DDHD1: variants seen among roughly 807,000 people sequenced by gnomAD.
DDHD1 encodes the protein phospholipase DDHD1.
A neutral mutation model predicts 96.4 loss-of-function variants in DDHD1; 49 were observed. That is an observed-to-expected ratio of 0.51 (90% CI 0.40 to 0.64). The LOEUF is 0.64. Among genes scored for constraint, DDHD1 ranks in the 30% least tolerant of loss-of-function variants. The pLI, the probability that DDHD1 is intolerant of heterozygous loss-of-function variation, is 0.00. For missense variants in DDHD1, 1,106 were observed against 1,161.2 expected, an observed-to-expected ratio of 0.95 and a Z score of 0.69; for synonymous variants, 442 against 446.5, an observed-to-expected ratio of 0.99 and a Z score of 0.13.
intron 3 of DDHD1, chr14:53,092,340 T>TA (rs1459890867): frequency 5.9e-5 from 9 of 153,074 alleles, no homozygotes; most frequent in African/African-American, 1.9e-4. Context: ...CAAAATAAGT[T>TA]AAAGTTATGG....
chr14:53,096,165 A>G (rs1477360784), intron 2 of DDHD1: 1 of 985,146 alleles, frequency 1.0e-6, no homozygotes, highest in Non-Finnish European at 1.2e-6. Context: ...CTCTCCTTAT[A>G]TCTTCTCCAT....
intron 4 of DDHD1, among the ~76,000 whole-genome samples, chr14:53,086,396 C>T (rs1404598834): frequency 6.6e-6 from 1 of 152,102 alleles, no homozygotes; most frequent in Non-Finnish European, 1.5e-5. Context: ...TAAGGGCAGC[C>T]AGAGAGAAAG....
intron 1 of DDHD1, 143 bp downstream of exon 1, chr14:53,152,118 C>G: frequency 2.0e-4 from 166 of 826,786 alleles, no homozygotes; most frequent in Admixed American, 8.9e-4. Flanking sequence ...CCGACGCTCC[C>G]TGCTCAATCT....
At chr14:53,065,369 C>T (rs924201148) in intron 6 of DDHD1, among the ~76,000 whole-genome samples, 26 of 152,082 alleles carry the variant, frequency 1.7e-4, no homozygotes, top group Admixed American at 3.9e-4. Flanking sequence ...TGTCAAGATA[C>T]AGCTAGGACA....
intron 1 of DDHD1, among the ~76,000 whole-genome samples, chr14:53,132,519 C>T (rs976568216): frequency 6.6e-6 from 1 of 152,166 alleles, no homozygotes; most frequent in Non-Finnish European, 1.5e-5. Flanking sequence ...TACCGCTCTG[C>T]CCCCCTCCAC....
rs113366817 is a variant in DDHD1 at position 53,122,582 on chromosome 14, G to GCT, written c.839-18727_839-18726insAG. Among the ~76,000 whole-genome samples, 686 of 143,842 alleles carry GCT rather than the reference G, an allele frequency of 4.8e-3. 1 individual carries two copies. Among genetic ancestry groups the GCT allele is most frequent in the Middle Eastern group, 0.018 (5 of 276 alleles). The allele number at this position is 143,842 out of a possible 152,430, so 94.4% of individuals were successfully genotyped here. Reference sequence around the variant, plus strand: ...CTGTTACTTTGTTCCTCTGCTAATAGTTTTTTTTTTTTTTTGACACAGTCT... The same window carrying GCT: ...CTGTTACTTTGTTCCTCTGCTAATAGCTTTTTTTTTTTTTTTTGACACAGTCT... On this transcript the variant is annotated intron_variant, in intron 1 of 12. Transcript: ENST00000673822.
intron 8 of DDHD1, 140 bp downstream of exon 8, chr14:53,060,986 G>T: frequency 1.3e-6 from 1 of 774,908 alleles, no homozygotes; most frequent in Non-Finnish European, 2.0e-6. Context: ...AAATGGCAGT[G>T]TCCAACATAT....
intron 1 of DDHD1, among the ~76,000 whole-genome samples, chr14:53,125,378 T>C (rs1402529204): frequency 6.6e-6 from 1 of 152,092 alleles, no homozygotes; most frequent in African/African-American, 2.4e-5. Context: ...AGAAAAAAAA[T>C]ATTTGATATA....
chr14:53,067,098 C>T (rs1049677563), intron 6 of DDHD1, among the ~76,000 whole-genome samples: 1 of 151,786 alleles, frequency 6.6e-6, no homozygotes, highest in African/African-American at 2.4e-5. Flanking sequence ...AAATCACAGG[C>T]TCCATCTCAG....
intron 1 of DDHD1, among the ~76,000 whole-genome samples, chr14:53,148,190 G>A (rs1891123414): frequency 6.6e-6 from 1 of 152,140 alleles, no homozygotes; most frequent in Non-Finnish European, 1.5e-5. Flanking sequence ...TTATAGTTAA[G>A]ACTCCTGGAA....
intron 4 of DDHD1, among the ~76,000 whole-genome samples, chr14:53,082,301 ACATAAGTCTT>A (rs1431264461): frequency 6.6e-6 from 1 of 152,218 alleles, no homozygotes; most frequent in Non-Finnish European, 1.5e-5. Flanking sequence ...TAGCTGTAAA[ACATAAGTCTT>A]CATAATTCCT....
In DDHD1 at chr14:53,058,482, G is replaced by T; in HGVS notation, c.1987C>A (p.Pro663Thr). 6.2e-7 allele frequency: 1 copy of T among 1,610,342 alleles called. No individual in the cohort carries two copies. Among genetic ancestry groups the T allele is most frequent in the Non-Finnish European group, 8.5e-7 (1 of 1,179,000 alleles). ...GAGTCTATATTGCAACTCACCACTGGATCTGTAGGATGAAAAATATTTAGT... is the reference window on the plus strand; with the variant it reads ...GAGTCTATATTGCAACTCACCACTGTATCTGTAGGATGAAAAATATTTAGT... ...RLLNIFHPTD[P>T]VAYRLEPLIL... is the part of the protein sequence containing the mutation. Residue 663 changes from proline to threonine, a missense_variant, in exon 9 of 13, where the codon CCA (proline) becomes ACA (threonine). Physicochemically the swap from Pro to Thr is conservative, Grantham distance 38. Transcript: ENST00000673822.
intron 2 of DDHD1, chr14:53,095,974 A>G: frequency 4.8e-6 from 1 of 206,688 alleles, no homozygotes; most frequent in South Asian, 1.7e-4. Flanking sequence ...ACCAATATTT[A>G]TACACATAAT....
At chr14:53,135,892 C>A (rs1262273712) in intron 1 of DDHD1, among the ~76,000 whole-genome samples, 3 of 152,232 alleles carry the variant, frequency 2.0e-5, no homozygotes, top group Non-Finnish European at 4.4e-5. Context: ...ATTCCTACCA[C>A]TGTAATGTCA....
intron 1 of DDHD1, among the ~76,000 whole-genome samples, chr14:53,121,092 GA>G (rs578158566): frequency 6.8e-6 from 1 of 147,914 alleles, no homozygotes; most frequent in Non-Finnish European, 1.5e-5. Context: ...AAATCTACAA[GA>G]AAAAAAAACC....
chr14:53,112,086 T>A (rs971408318), intron 1 of DDHD1, among the ~76,000 whole-genome samples: 1 of 152,198 alleles, frequency 6.6e-6, no homozygotes, highest in African/African-American at 2.4e-5. Flanking sequence ...GTCAACTTTG[T>A]CTACTGCTAA....
In DDHD1 at chr14:53,152,953, G is replaced by A. The variant is rs747202346; in HGVS notation, c.146C>T (p.Pro49Leu). 8.9e-5 allele frequency: 142 copies of A among 1,591,590 alleles called. 1 individual carries two copies. The highest frequency in any genetic ancestry group is 1.1e-4 in the Non-Finnish European group (128 of 1,171,672). ...GGCCAGGGGCACGTCGCCGTCGTCC[G>A]GGTCCCCGCCGGGCAGGTGCTCGAA... ...CCFEHLPGGD[P>L]DDGDVPLALL... is the part of the protein sequence containing the mutation. Residue 49 changes from proline (P) to leucine (L), a missense_variant, in exon 1 of 13, where the codon CCG (proline) becomes CTG (leucine). Physicochemically the swap from Pro to Leu is moderately conservative, Grantham distance 98. Transcript: ENST00000673822.
chr14:53,141,854 G>C (rs1175720948), intron 1 of DDHD1, among the ~76,000 whole-genome samples: 1 of 152,080 alleles, frequency 6.6e-6, no homozygotes, highest in Non-Finnish European at 1.5e-5. Flanking sequence ...ATCAAGTATA[G>C]GCTGAAGTAA....
At chr14:53,120,577 A>G (rs1437789426) in intron 1 of DDHD1, among the ~76,000 whole-genome samples, 1 of 152,230 alleles carries the variant, frequency 6.6e-6, no homozygotes, top group Non-Finnish European at 1.5e-5. Context: ...CCAAAACAGC[A>G]TGGTACTAGT....
Sources: allele counts gnomAD v4.1 joint callset (sites outside exome capture counted in the v4.1 genomes callset), GRCh38; gene constraint gnomAD v4.1.1; transcripts MANE v1.5; gene names NCBI Gene and HGNC (gene_info 2026-07-23, HGNC 2026-07-21).